Variants in HLF observed in about 807,000 individuals in gnomAD.
HLF encodes the protein HLF transcription factor, PAR bZIP family member.
Under a neutral mutation model 22.6 loss-of-function variants are expected in HLF, and 3 were observed. That is an observed-to-expected ratio of 0.13 (90% CI 0.06 to 0.34). The LOEUF (loss-of-function observed/expected upper bound fraction) is 0.34. HLF is among the 10% of genes least tolerant of loss of function. HLF has a pLI of 1.00. For synonymous variants in HLF, 151 were observed against 151.8 expected, an observed-to-expected ratio of 0.99 and a Z score of 0.04; for missense variants, 299 against 389.2, an observed-to-expected ratio of 0.77 and a Z score of 1.95.
At chr17:55,297,794 A>G (rs1288027616) in intron 2 of HLF, among the ~76,000 whole-genome samples, 2 of 139,740 alleles carry the variant, frequency 1.4e-5, no homozygotes, top group African/African-American at 2.8e-5. Flanking sequence ...CACCCAACCA[A>G]GCTGGAGTGC....
intron 2 of HLF, among the ~76,000 whole-genome samples, chr17:55,298,335 G>A (rs1407407108): frequency 2.6e-5 from 4 of 152,174 alleles, no homozygotes; most frequent in African/African-American, 4.8e-5. Flanking sequence ...ATAGGTCCTG[G>A]TGGGCATGGG....
Position 55,268,041 on chromosome 17 carries a change from C to A in HLF, c.406C>A (p.Pro136Thr), listed in dbSNP as rs2080812240. The part of the protein sequence containing the change: ...LSSRASAPLH[P>T]GIPSPNCMQS... ...CAGCCGGGCCTCTGCACCCCTTCAC[C>A]CTGGCATCCCATCTCCGAACTGTAT... The change falls in exon 2 of 4, where the codon CCT becomes ACT. Residue 136 changes from proline (P) to threonine (T), a missense_variant. This residue lies in a region of HLF where 224 missense variants were observed against 298.1 expected (regional missense o/e 0.75). Coordinates refer to ENST00000226067, the MANE Select transcript of HLF (RefSeq NM_002126.5). 1 of 1,601,834 alleles carries A rather than the reference C, an allele frequency of 6.2e-7. No homozygotes were observed. Among genetic ancestry groups the A allele is most frequent in the Non-Finnish European group, 8.5e-7 (1 of 1,174,120 alleles).
intron 2 of HLF, among the ~76,000 whole-genome samples, chr17:55,294,310 A>G (rs74796497): frequency 0.025 from 3,761 of 152,358 alleles, 231 homozygotes; most frequent in East Asian, 0.2. Context: ...TCCTTCGACC[A>G]TGGTGAGAAG....
chr17:55,314,125 A>C (rs1182671218), intron 2 of HLF, among the ~76,000 whole-genome samples: 1 of 152,202 alleles, frequency 6.6e-6, no homozygotes, highest in Non-Finnish European at 1.5e-5. Flanking sequence ...AATTCAGATG[A>C]AAACTAGAAG....
chr17:55,304,724 G>A (rs1048863311), intron 2 of HLF, among the ~76,000 whole-genome samples: 3 of 152,196 alleles, frequency 2.0e-5, no homozygotes, highest in African/African-American at 4.8e-5. Context: ...GAGCTGGGGA[G>A]TGTGACAGGA....
chr17:55,299,123 A>G (rs1416262245), intron 2 of HLF, among the ~76,000 whole-genome samples: 1 of 152,236 alleles, frequency 6.6e-6, no homozygotes, highest in Middle Eastern at 3.2e-3. Context: ...AAAGGCTGGC[A>G]GTATTAGGAG....
At chr17:55,312,421 T>C (rs950912307) in intron 2 of HLF, among the ~76,000 whole-genome samples, 7 of 152,222 alleles carry the variant, frequency 4.6e-5, no homozygotes, top group African/African-American at 1.7e-4. Context: ...CTTCTAGAAA[T>C]CACTTCTATA....
At chr17:55,303,141 TGAG>T (rs2145352440) in intron 2 of HLF, among the ~76,000 whole-genome samples, 1 of 152,290 alleles carries the variant, frequency 6.6e-6, no homozygotes, top group East Asian at 1.9e-4. Flanking sequence ...AGCAGGGATA[TGAG>T]AAGGGGCTGA....
chr17:55,279,347 G>T (rs899105488), intron 2 of HLF, among the ~76,000 whole-genome samples: 4 of 152,198 alleles, frequency 2.6e-5, no homozygotes, highest in South Asian at 2.1e-4. Context: ...CCTCTCACTT[G>T]CCTGACAGTA....
At position 55,320,667 on chromosome 17, in the gene HLF, G is replaced by T; in HGVS notation, c.676G>T (p.Asp226Tyr). Residue 226 changes from aspartate (D) to tyrosine (Y), a missense_variant, in exon 4 of 4, where the codon GAC (aspartate) becomes TAC (tyrosine). Transcript: ENST00000226067. The surrounding 1 kb of genome is among the most constrained non-coding windows in gnomAD (Gnocchi z 4.2). ...KVFIPDDLKD[D>Y]KYWARRRKNN... ...CCCTTCTGTAACTAATGAGCAGGAT[G>T]ACAAGTACTGGGCAAGGCGCAGAAA... The T allele has an allele frequency of 6.2e-7, 1 of 1,613,906 alleles. No individual in the cohort carries two copies. The highest frequency in any genetic ancestry group is 1.1e-5 in the South Asian group (1 of 91,042).
chr17:55,290,585 G>C (rs1838688047), intron 2 of HLF, among the ~76,000 whole-genome samples: 1 of 152,060 alleles, frequency 6.6e-6, no homozygotes, highest in Admixed American at 6.6e-5. Context: ...TCACCAACTG[G>C]CCGTTCTCCC....
chr17:55,294,713 C>T (rs1405759588), intron 2 of HLF, among the ~76,000 whole-genome samples: 1 of 152,204 alleles, frequency 6.6e-6, no homozygotes, highest in African/African-American at 2.4e-5. Flanking sequence ...TTCTTCAGGA[C>T]TTCACTGCTT....
At chr17:55,304,123 C>G (rs527378694) in intron 2 of HLF, among the ~76,000 whole-genome samples, 2 of 152,202 alleles carry the variant, frequency 1.3e-5, no homozygotes, top group Admixed American at 6.5e-5. Context: ...TGAAATATAC[C>G]TCATGTGGGT....
intron 2 of HLF, among the ~76,000 whole-genome samples, chr17:55,275,979 G>T (rs774010932): frequency 1.0e-3 from 153 of 152,052 alleles, no homozygotes; most frequent in Non-Finnish European, 1.9e-3. Flanking sequence ...ATGGTGGCAC[G>T]TGCCTGTAGT....
chr17:55,321,417 GTTGCTTTCCTC>G lies in HLF; in HGVS notation c.*541_*551del. On this transcript the variant is annotated 3_prime_UTR_variant, in exon 4 of 4. Transcript: ENST00000226067. ...ACTCCGCAGCTCTAGTCCTTTATAA[GTTGCTTTCCTC>G]TTACTTTCAGTTTTGGTGATAATCG... The G allele has an allele frequency of 4.3e-6, 1 of 232,778 alleles. No individual in the cohort carries two copies. The highest frequency in any genetic ancestry group is 2.2e-5 in the African/African-American group (1 of 45,386). 14.4% of individuals were successfully genotyped at this position (232,778 alleles called of 1,614,324 possible). A position where few individuals can be genotyped will look rare whatever the true frequency, so the allele number is the denominator to read the frequency against.
intron 2 of HLF, among the ~76,000 whole-genome samples, chr17:55,301,292 A>G (rs1433144496): frequency 6.6e-6 from 1 of 152,248 alleles, no homozygotes; most frequent in Non-Finnish European, 1.5e-5. Context: ...GGTTTTATTT[A>G]TATATTCTCA....
intron 3 of HLF, among the ~76,000 whole-genome samples, chr17:55,318,773 T>C (rs114391026): frequency 6.6e-6 from 1 of 152,256 alleles, no homozygotes; most frequent in Non-Finnish European, 1.5e-5. Context: ...TGTGAAGGGA[T>C]TGGAACCCAG....
intron 2 of HLF, among the ~76,000 whole-genome samples, chr17:55,280,807 C>T (rs2080947517): frequency 6.6e-6 from 1 of 152,110 alleles, no homozygotes; most frequent in Non-Finnish European, 1.5e-5. Flanking sequence ...GGAAACGTGG[C>T]AGAGAGGGGT....
At chr17:55,271,068 A>G (rs79985740) in intron 2 of HLF, among the ~76,000 whole-genome samples, 262 of 152,216 alleles carry the variant, frequency 1.7e-3, no homozygotes, top group African/African-American at 6.0e-3. Context: ...GTCACTACCA[A>G]ATGTCCCCTG....
Sources: gnomAD v4.1 joint callset for allele counts (sites outside exome capture counted in the v4.1 genomes callset) on GRCh38, gnomAD v4.1.1 for gene constraint, gnomAD v4.1.1 regional missense constraint, Gnocchi (gnomAD v3.1) non-coding constraint, MANE v1.5 for transcripts, NCBI Gene and HGNC (gene_info 2026-07-23, HGNC 2026-07-21) for gene names.